Variants in CAPS2 observed in about 807,000 individuals in gnomAD.
The protein encoded by CAPS2 is calcyphosin-2.
In CAPS2, 98 loss-of-function variants were observed where a neutral mutation model predicts 86.5. That is an observed-to-expected ratio of 1.13 (90% confidence interval 0.96 to 1.34). CAPS2 has a LOEUF of 1.34. Ranked by LOEUF, CAPS2 falls within the 40% of genes most tolerant of loss-of-function variation. The probability of loss-of-function intolerance (pLI) is 0.00; values close to 1 mark genes in which losing one functional copy is unlikely to be tolerated. For missense variants in CAPS2, 729 were observed against 686.8 expected (o/e 1.06, Z -0.69); for synonymous variants, 210 against 225.1 (o/e 0.93, Z 0.60).
chr12:75,305,451 G>C, intron 7 of CAPS2: 2 of 529,874 alleles, frequency 3.8e-6, no homozygotes, highest in Non-Finnish European at 7.1e-6. Flanking sequence ...CAGACCGGTT[G>C]GAACAAAGTA....
At chr12:75,305,587 C>T (rs2038365286) in intron 7 of CAPS2, 2 of 626,500 alleles carry the variant, frequency 3.2e-6, no homozygotes, top group South Asian at 2.8e-5. Flanking sequence ...TCCTCCAGAC[C>T]CGACCACTGC....
intron 14 of CAPS2, among the ~76,000 whole-genome samples, chr12:75,287,769 C>A (rs2035156534): frequency 6.6e-6 from 1 of 152,116 alleles, no homozygotes; most frequent in South Asian, 2.1e-4. Context: ...GTTTTGTGAG[C>A]TGCTCCAGCA....
intron 8 of CAPS2, among the ~76,000 whole-genome samples, chr12:75,300,555 CAAAAAAAAAAAAAAA>C (rs60853698): frequency 4.8e-5 from 4 of 83,016 alleles, no homozygotes; most frequent in Admixed American, 1.4e-4. Context: ...GACTCCGTCT[CAAAAAAAAAAAAAAA>C]AAAAAAAAAA....
intron 1 of CAPS2, chr12:75,363,003 T>G: frequency 1.8e-6 from 1 of 568,272 alleles, no homozygotes; most frequent in Non-Finnish European, 3.2e-6. Context: ...TTTCAACATT[T>G]ATGACTTAAT....
intron 8 of CAPS2, among the ~76,000 whole-genome samples, chr12:75,301,302 A>G (rs1330896698): frequency 6.6e-6 from 1 of 152,226 alleles, no homozygotes; most frequent in Non-Finnish European, 1.5e-5. Context: ...AAATCTAGGT[A>G]TCTACAAAAA....
exon 4 of CAPS2, chr12:75,323,085 G>A (rs1409754405): frequency 3.2e-6 from 5 of 1,540,888 alleles, no homozygotes; most frequent in South Asian, 1.2e-5. Context: ...ATGAAAAATT[G>A]TCCTAAAAAA....
At chr12:75,282,093 T>C (rs1325425342) in intron 16 of CAPS2, among the ~76,000 whole-genome samples, 158 bp downstream of exon 16, 9 of 152,188 alleles carry the variant, frequency 5.9e-5, no homozygotes, top group Non-Finnish European at 1.3e-4. Context: ...TAAGAATTTT[T>C]AAATGAAGAA....
At chr12:75,357,738 T>C (rs1271152465) in intron 1 of CAPS2, among the ~76,000 whole-genome samples, 1 of 152,044 alleles carries the variant, frequency 6.6e-6, no homozygotes, top group Non-Finnish European at 1.5e-5. Flanking sequence ...ATTTGAATAC[T>C]AACATACTTC....
chr12:75,338,086 A>T (rs567967621), intron 1 of CAPS2, among the ~76,000 whole-genome samples: 1 of 152,264 alleles, frequency 6.6e-6, no homozygotes, highest in East Asian at 1.9e-4. Flanking sequence ...TGTGAAACTG[A>T]AAGAGAAAAC....
intron 4 of CAPS2, among the ~76,000 whole-genome samples, chr12:75,322,536 T>C (rs1351147227): frequency 6.6e-6 from 1 of 152,184 alleles, no homozygotes; most frequent in Non-Finnish European, 1.5e-5. Flanking sequence ...GCCCTACACC[T>C]ATACTAGTCA....
At chr12:75,287,847 G>A (rs1386986452) in intron 14 of CAPS2, among the ~76,000 whole-genome samples, 1 of 152,168 alleles carries the variant, frequency 6.6e-6, no homozygotes, top group Non-Finnish European at 1.5e-5. Flanking sequence ...ACAAGTTCCA[G>A]GGACCCAAAC....
chr12:75,344,702 C>T lies in CAPS2; in HGVS notation c.-394-21480G>A, dbSNP rs187627694. ...TATATTCGCAATTTGTACATTTTGC[C>T]TTGTTGAGTGCTGGGTTCATCTGTA... On this transcript the variant is annotated intron_variant, in intron 1 of 5. Coordinates refer to the CAPS2 transcript ENST00000551829. Among the ~76,000 whole-genome samples, 8 of 152,054 alleles carry T rather than the reference C, an allele frequency of 5.3e-5. No homozygotes were observed. In the East Asian group the frequency reaches 1.5e-3, roughly 29 times the overall value.
chr12:75,309,505 C>G (rs186035486), intron 7 of CAPS2, among the ~76,000 whole-genome samples: 55 of 152,332 alleles, frequency 3.6e-4, no homozygotes, highest in African/African-American at 1.2e-3. Context: ...GCTTTTCCTA[C>G]TTGCCTGACA....
chr12:75,316,542 A>G, intron 5 of CAPS2, 108 bp from the exon 6 acceptor site: 3 of 1,027,510 alleles, frequency 2.9e-6, no homozygotes, highest in Non-Finnish European at 3.9e-6. Context: ...CTATTTGTAC[A>G]ACAGTTAAAA....
Position 75,294,761 on chromosome 12 carries a change from C to T in CAPS2, c.1045-1394G>A, listed in dbSNP as rs1264765244. 4.1e-4 allele frequency among the ~76,000 whole-genome samples: 63 copies of T among 152,068 alleles called. 1 individual carries two copies. The highest frequency in any genetic ancestry group is 7.4e-5 in the Non-Finnish European group (5 of 68,024). On this transcript the variant is annotated intron_variant, in intron 11 of 16. Coordinates refer to ENST00000393284, the Ensembl canonical transcript of CAPS2. ...GTTTACACCAAAAACATGTATGTGT[C>T]GGGATAGGAAGGAGGTGAGCCCTTT... is the stretch of plus-strand genomic sequence containing the variant.
chr12:75,360,789 A>G (rs1335877359), intron 1 of CAPS2: 6 of 152,204 alleles, frequency 3.9e-5, no homozygotes, highest in Non-Finnish European at 8.8e-5. Flanking sequence ...TTTTCTTTCC[A>G]CACTGCCCTA....
At chr12:75,287,063 C>T (rs993272790) in intron 14 of CAPS2, among the ~76,000 whole-genome samples, 7 of 150,822 alleles carry the variant, frequency 4.6e-5, no homozygotes, top group Admixed American at 2.7e-4. Flanking sequence ...CACATACACA[C>T]GCAAGCACAC....
intron 1 of CAPS2, chr12:75,370,451 T>G (rs2044287549): frequency 4.1e-6 from 1 of 244,294 alleles, no homozygotes; most frequent in South Asian, 1.0e-4. Flanking sequence ...GATTATCATT[T>G]TAGTTATAGT....
At position 75,314,669 on chromosome 12, in the gene CAPS2, TA is replaced by T. The variant is rs1371559995; in HGVS notation, c.591+1642del. Among the ~76,000 whole-genome samples, 3 of 152,216 alleles carry T rather than the reference TA, an allele frequency of 2.0e-5. No individual in the cohort carries two copies. The East Asian group carries it at 5.8e-4, about 29-fold the overall frequency. On this transcript the variant is annotated intron_variant, in intron 6 of 16. Transcript: ENST00000393284. The stretch of plus-strand genomic sequence containing the variant: ...AGTGATTCATAAAGTGGACACTGAC[TA>T]AAACATTAAAATTATACACAGAAAA...
Sources: allele counts gnomAD v4.1 joint callset (sites outside exome capture counted in the v4.1 genomes callset), GRCh38; gene constraint gnomAD v4.1.1; transcripts MANE v1.5; gene names NCBI Gene and HGNC (gene_info 2026-07-23, HGNC 2026-07-21).